ATRNL1: variants seen among roughly 807,000 people sequenced by gnomAD.
ATRNL1 encodes attractin like 1, also known as attractin-like protein 1.
ATRNL1 carries 95 observed loss-of-function variants against 182.7 expected under a neutral mutation model. The observed-to-expected ratio is 0.52, with a 90% CI of 0.44 to 0.62. The LOEUF (loss-of-function observed/expected upper bound fraction) is 0.62. Ranked by LOEUF, ATRNL1 falls within the 20% of genes least tolerant of loss-of-function variation. ATRNL1 has a pLI of 0.00. For missense variants in ATRNL1, 1,471 were observed against 1,679.5 expected, an observed-to-expected ratio of 0.88 and a Z score of 2.17; for synonymous variants, 576 against 568.3, an observed-to-expected ratio of 1.01 and a Z score of -0.19.
chr10:115,207,387 G>A (rs555189349), intron 8 of ATRNL1, among the ~76,000 whole-genome samples: 1 of 152,046 alleles, frequency 6.6e-6, no homozygotes, highest in African/African-American at 2.4e-5. Context: ...CGTTCTAACT[G>A]GCATGAGATG....
At chr10:115,532,368 G>A (rs1456026800) in intron 25 of ATRNL1, among the ~76,000 whole-genome samples, 6 of 152,082 alleles carry the variant, frequency 3.9e-5, no homozygotes, top group African/African-American at 1.2e-4. Context: ...TGGATTCCTA[G>A]GTATTTTATT....
intron 26 of ATRNL1, among the ~76,000 whole-genome samples, chr10:115,628,902 G>A (rs1399869815): frequency 1.3e-5 from 2 of 152,094 alleles, no homozygotes; most frequent in Non-Finnish European, 2.9e-5. Flanking sequence ...TTTTTTTGAA[G>A]AGTCTATTCT....
At chr10:115,398,376 G>A (rs963213176) in intron 20 of ATRNL1, among the ~76,000 whole-genome samples, 1 of 151,954 alleles carries the variant, frequency 6.6e-6, no homozygotes, top group African/African-American at 2.4e-5. Flanking sequence ...TTCCATTTGT[G>A]TCATCTCTGA....
At chr10:115,759,927 C>T (rs1309484136) in intron 27 of ATRNL1, among the ~76,000 whole-genome samples, 1 of 143,836 alleles carries the variant, frequency 7.0e-6, no homozygotes, top group Non-Finnish European at 1.5e-5. Flanking sequence ...CTCTTGACCT[C>T]ATGATCTGCC....
intron 27 of ATRNL1, among the ~76,000 whole-genome samples, chr10:115,831,521 G>A (rs1259137513): frequency 6.6e-6 from 1 of 152,124 alleles, no homozygotes. Context: ...CCAGTGAAAA[G>A]CACGCCGGGG....
At chr10:115,235,127 T>C (rs1850124944) in intron 9 of ATRNL1, among the ~76,000 whole-genome samples, 1 of 152,200 alleles carries the variant, frequency 6.6e-6, no homozygotes, top group South Asian at 2.1e-4. Context: ...ATCTGATGTT[T>C]CTGCATGATT....
chr10:115,843,133 C>G (rs1360348120), intron 27 of ATRNL1, among the ~76,000 whole-genome samples: 1 of 152,034 alleles, frequency 6.6e-6, no homozygotes, highest in Non-Finnish European at 1.5e-5. Context: ...GCAATGCACT[C>G]TAGTAGTTGC....
intron 26 of ATRNL1, among the ~76,000 whole-genome samples, chr10:115,678,436 G>T (rs117129900): frequency 6.6e-6 from 1 of 151,988 alleles, no homozygotes; most frequent in African/African-American, 2.4e-5. Flanking sequence ...AAAAATTTAT[G>T]TGGAGTAGTT....
At chr10:115,311,550 A>T (rs560741877) in intron 17 of ATRNL1, among the ~76,000 whole-genome samples, 2 of 145,332 alleles carry the variant, frequency 1.4e-5, no homozygotes, top group African/African-American at 2.5e-5. Context: ...CTATCTTGGA[A>T]AATATTCCAT....
At chr10:115,604,226 A>G (rs1227900547) in intron 26 of ATRNL1, among the ~76,000 whole-genome samples, 1 of 152,098 alleles carries the variant, frequency 6.6e-6, no homozygotes, top group African/African-American at 2.4e-5. Flanking sequence ...ATAAGCATTG[A>G]GTTTTGTTCT....
rs1170287809 is a variant in ATRNL1 at position 115,241,740 on chromosome 10, G to A, written c.1687+15G>A. 1.9e-6 allele frequency: 3 copies of A among 1,598,968 alleles called. No individual in the cohort carries two copies. The highest frequency in any genetic ancestry group is 1.7e-6 in the Non-Finnish European group (2 of 1,170,040). The stretch of plus-strand genomic sequence containing the variant: ...ATATGACATAGGTATGTATCTGTTA[G>A]GATTGTACAAAGTAGGAAATATCAG... On this transcript the variant is annotated intron_variant, in intron 10 of 28. Coordinates refer to ENST00000355044, the MANE Select transcript of ATRNL1 (RefSeq NM_207303.4).
intron 15 of ATRNL1, among the ~76,000 whole-genome samples, chr10:115,299,817 A>G (rs1382098740): frequency 2.0e-5 from 3 of 152,224 alleles, no homozygotes; most frequent in African/African-American, 4.8e-5. Context: ...TCATGTAGCT[A>G]AATATAAAAC....
At chr10:115,610,503 A>G (rs183531517) in intron 26 of ATRNL1, among the ~76,000 whole-genome samples, 3 of 152,266 alleles carry the variant, frequency 2.0e-5, no homozygotes, top group African/African-American at 4.8e-5. Context: ...ACTTGCAGCT[A>G]TTTATCATTT....
chr10:115,162,531 A>T (rs1846840135), intron 6 of ATRNL1, among the ~76,000 whole-genome samples: 1 of 151,798 alleles, frequency 6.6e-6, no homozygotes. Flanking sequence ...ATCATGTAGG[A>T]TGTTGTAGAT....
intron 24 of ATRNL1, among the ~76,000 whole-genome samples, chr10:115,481,550 G>A (rs1848770508): frequency 6.6e-6 from 1 of 150,482 alleles, no homozygotes; most frequent in African/African-American, 2.4e-5. Context: ...TCATACAGTA[G>A]GCAATTGAAT....
chr10:115,794,330 A>G (rs1176398935), intron 27 of ATRNL1, among the ~76,000 whole-genome samples: 1 of 152,162 alleles, frequency 6.6e-6, no homozygotes, highest in Admixed American at 6.5e-5. Flanking sequence ...TAAAAAAGGA[A>G]CATTTTCCAC....
chr10:115,742,481 A>G (rs1948167493), intron 27 of ATRNL1, among the ~76,000 whole-genome samples: 1 of 152,136 alleles, frequency 6.6e-6, no homozygotes, highest in South Asian at 2.1e-4. Context: ...CAGAGAGTGA[A>G]CTTGATGTAC....
chr10:115,306,649 A>G (rs1207242490), intron 17 of ATRNL1, among the ~76,000 whole-genome samples: 1 of 152,090 alleles, frequency 6.6e-6, no homozygotes, highest in East Asian at 1.9e-4. Flanking sequence ...CTTAAAATAC[A>G]TGTTTTCTTC....
chr10:115,195,649 G>A (rs763283698), intron 8 of ATRNL1, among the ~76,000 whole-genome samples: 5 of 151,906 alleles, frequency 3.3e-5, no homozygotes, highest in Non-Finnish European at 5.9e-5. Context: ...CTCGTATCTG[G>A]ATATTTATAT....
Sources: gnomAD v4.1 joint callset for allele counts (sites outside exome capture counted in the v4.1 genomes callset) on GRCh38, gnomAD v4.1.1 for gene constraint, MANE v1.5 for transcripts, NCBI Gene and HGNC (gene_info 2026-07-23, HGNC 2026-07-21) for gene names.